Variants in ITGB5 observed in about 807,000 individuals in gnomAD.
ITGB5 encodes integrin beta-5.
ITGB5 carries 38 observed loss-of-function variants against 84.8 expected under a neutral mutation model. The observed-to-expected ratio is 0.45, with a 90% CI of 0.35 to 0.59. ITGB5 has a LOEUF of 0.59. ITGB5 is among the 20% of genes least tolerant of loss of function. The pLI is 0.01. For missense variants in ITGB5, 905 were observed against 1,034.5 expected, an observed-to-expected ratio of 0.87 and a Z score of 1.72; for synonymous variants, 393 against 414.4, an observed-to-expected ratio of 0.95 and a Z score of 0.63.
intron 2 of ITGB5, among the ~76,000 whole-genome samples, chr3:124,870,743 A>C (rs1191305752): frequency 9.0e-6 from 1 of 110,718 alleles, no homozygotes; most frequent in African/African-American, 3.0e-5. Context: ...AAAAAAAAAA[A>C]AAAACCCCAG....
chr3:124,842,192 A>G (rs1253913673), intron 4 of ITGB5, among the ~76,000 whole-genome samples: 4 of 152,266 alleles, frequency 2.6e-5, no homozygotes, highest in African/African-American at 9.6e-5. Context: ...AATAAAAATT[A>G]TTTAGAAACT....
intron 7 of ITGB5, among the ~76,000 whole-genome samples, chr3:124,819,037 G>T (rs1405673987): frequency 2.6e-5 from 4 of 152,168 alleles, no homozygotes; most frequent in African/African-American, 9.7e-5. Flanking sequence ...TTCAAACTTG[G>T]CTCATCTGTG....
chr3:124,769,237 G>A, intron 11 of ITGB5, 124 bp from the exon 12 acceptor site: 1 of 697,648 alleles, frequency 1.4e-6, no homozygotes, highest in African/African-American at 1.8e-5. Flanking sequence ...CAGATGTTCA[G>A]CCTCAGGGAA....
chr3:124,813,119 C>T (rs910227071), intron 8 of ITGB5, among the ~76,000 whole-genome samples: 2 of 152,202 alleles, frequency 1.3e-5, no homozygotes, highest in African/African-American at 4.8e-5. Context: ...CGGCACACCC[C>T]ACATGGACCA....
At chr3:124,898,976 G>T (rs1935167440) in intron 1 of ITGB5, among the ~76,000 whole-genome samples, 1 of 151,980 alleles carries the variant, frequency 6.6e-6, no homozygotes, top group Middle Eastern at 3.2e-3. Context: ...TTGGGAGGCT[G>T]AGGCAGGAGA....
Position 124,796,638 on chromosome 3 carries a change from G to A in ITGB5, c.1443C>T (p.Thr481=). ...TGCACTCACACAGGCCGCAGACATA[G>A]GTCCCGCTCCCGTTGCACCTGGCGC... ...PNSARCNGSG[T]YVCGLCECSP... Residue 481 remains threonine (T), a synonymous_variant, in exon 10 of 15, where the codon ACC becomes ACT. Transcript: ENST00000296181. The A allele has an allele frequency of 1.2e-6, 2 of 1,613,998 alleles. No homozygotes were observed. The highest frequency in any genetic ancestry group is 1.7e-6 in the Non-Finnish European group (2 of 1,179,966).
intron 3 of ITGB5, among the ~76,000 whole-genome samples, chr3:124,851,793 G>A (rs1463692579): frequency 6.6e-6 from 1 of 152,104 alleles, no homozygotes; most frequent in East Asian, 1.9e-4. Flanking sequence ...GATTTTAAAT[G>A]CCACAGACTC....
chr3:124,796,855 C>A, intron 9 of ITGB5, 38 bp from the exon 10 acceptor site: 1 of 1,551,862 alleles, frequency 6.4e-7, no homozygotes, highest in Non-Finnish European at 8.7e-7. Flanking sequence ...ATGGCTGCGG[C>A]AAGCCAGGGT....
In ITGB5 at chr3:124,848,447, C is replaced by T. The variant is rs755220572; in HGVS notation, c.473G>A (p.Arg158Gln). 177 of 1,614,130 alleles carry T rather than the reference C, an allele frequency of 1.1e-4. No homozygotes were observed. The highest frequency in any genetic ancestry group is 9.9e-5 in the Non-Finnish European group (117 of 1,180,032). The change falls in exon 4 of 15, where the codon CGG (arginine) becomes CAG (glutamine). Residue 158 changes from arginine to glutamine, a missense_variant. By Grantham distance (43) the Arg-to-Gln change is conservative (BLOSUM62 1). Coordinates refer to ENST00000296181, the MANE Select transcript of ITGB5 (RefSeq NM_002213.5). ...CTCCGCGAGTTTGGTGCCCAGGCTCCGGATATTGTCCAAGTCATCCTTCAT... is the reference window on the plus strand; with the variant it reads ...CTCCGCGAGTTTGGTGCCCAGGCTCTGGATATTGTCCAAGTCATCCTTCAT... ...LSMKDDLDNIRSLGTKLAEEM... is the reference protein window; with the variant it reads ...LSMKDDLDNIQSLGTKLAEEM...
chr3:124,892,036 G>A (rs561844152), upstream of ITGB5, among the ~76,000 whole-genome samples: 1 of 152,172 alleles, frequency 6.6e-6, no homozygotes, highest in Non-Finnish European at 1.5e-5. Flanking sequence ...AACATGCTAA[G>A]TGAAATAGGC....
intron 5 of ITGB5, among the ~76,000 whole-genome samples, chr3:124,828,979 T>A (rs2064822211): frequency 6.6e-6 from 1 of 152,204 alleles, no homozygotes; most frequent in South Asian, 2.1e-4. Context: ...AATAGGGTTG[T>A]TGAGAGAATT....
At chr3:124,874,306 G>GAAAAAAAAA (rs59287818) in intron 1 of ITGB5, among the ~76,000 whole-genome samples, 7 of 113,378 alleles carry the variant, frequency 6.2e-5, no homozygotes, top group Admixed American at 1.9e-4. Flanking sequence ...TCAAAAGCCG[G>GAAAAAAAAA]AAAAAAAAAA....
intron 1 of ITGB5, among the ~76,000 whole-genome samples, chr3:124,874,001 AT>A (rs1051380680): frequency 3.3e-5 from 5 of 152,010 alleles, no homozygotes; most frequent in African/African-American, 1.2e-4. Flanking sequence ...CATCCCAGGA[AT>A]ACAATGTTGA....
At chr3:124,807,992 GTGTGT>G (rs2064436230) in intron 9 of ITGB5, among the ~76,000 whole-genome samples, 1 of 136,434 alleles carries the variant, frequency 7.3e-6, no homozygotes, top group Non-Finnish European at 1.5e-5. Flanking sequence ...AGGTATGTCT[GTGTGT>G]TGTGAAGTGG....
rs1015485438 is a variant in ITGB5 at position 124,762,540 on chromosome 3, T to C, written c.*1083A>G. On this transcript the variant is annotated 3_prime_UTR_variant, in exon 15 of 15. Coordinates refer to ENST00000296181, the MANE Select transcript of ITGB5 (RefSeq NM_002213.5). ...AAAAGCTCAAATGTGTTTTTTTGCA[T>C]TGGGCCTGCATGGGACGTAAGTGTT... The C allele has an allele frequency of 2.6e-5, 4 of 152,206 alleles. No homozygotes were observed. The highest frequency in any genetic ancestry group is 4.4e-5 in the Non-Finnish European group (3 of 68,022). 9.4% of individuals were successfully genotyped at this position (152,206 alleles called of 1,614,324 possible).
rs2063769330 is a variant in ITGB5 at position 124,766,404 on chromosome 3, T to C, written c.2018-59A>G. The stretch of plus-strand genomic sequence containing the variant: ...TCTCTGAGCAGCCCACAGCCACTGA[T>C]GGTCGGGGCAGGGAGCCGAGTGCCT... On this transcript the variant is annotated intron_variant, in intron 12 of 14. Transcript: ENST00000296181. 9 of 1,594,656 alleles carry C rather than the reference T, an allele frequency of 5.6e-6. No homozygotes were observed. The South Asian group carries it at 7.9e-5, about 14-fold the overall frequency.
intron 10 of ITGB5, among the ~76,000 whole-genome samples, chr3:124,795,651 C>T (rs958106392): frequency 6.6e-6 from 1 of 151,982 alleles, no homozygotes; most frequent in Non-Finnish European, 1.5e-5. Flanking sequence ...TTCCAGGGTT[C>T]GACTGAGGGT....
chr3:124,823,798 T>C (rs1232842619), intron 5 of ITGB5, among the ~76,000 whole-genome samples: 1 of 152,008 alleles, frequency 6.6e-6, no homozygotes, highest in African/African-American at 2.4e-5. Context: ...AGAGAGAAAG[T>C]ATAAACTAGT....
chr3:124,839,652 G>A (rs866757723), intron 5 of ITGB5, among the ~76,000 whole-genome samples: 1 of 152,186 alleles, frequency 6.6e-6, no homozygotes, highest in Non-Finnish European at 1.5e-5. Context: ...GAATTTGGCT[G>A]AATGTCTGTG....
Sources: allele counts gnomAD v4.1 joint callset (sites outside exome capture counted in the v4.1 genomes callset), GRCh38; gene constraint gnomAD v4.1.1; transcripts MANE v1.5; gene names NCBI Gene and HGNC (gene_info 2026-07-23, HGNC 2026-07-21).